Variants in MCCC1 observed in about 807,000 individuals in gnomAD.
MCCC1 encodes methylcrotonoyl-CoA carboxylase subunit alpha, mitochondrial.
A neutral mutation model predicts 83.8 loss-of-function variants in MCCC1; 64 were observed. That is an observed-to-expected ratio of 0.76 (90% CI 0.62 to 0.94). MCCC1 has a LOEUF of 0.94. Ranked by LOEUF, MCCC1 falls within the 40% of genes least tolerant of loss-of-function variation. The pLI is 0.00. For missense variants in MCCC1, 807 were observed against 904.7 expected, an observed-to-expected ratio of 0.89 and a Z score of 1.39; for synonymous variants, 322 against 315.4, an observed-to-expected ratio of 1.02 and a Z score of -0.22.
At chr3:183,114,683 C>G (rs1719560461) in intron 1 of MCCC1, among the ~76,000 whole-genome samples, 1 of 152,178 alleles carries the variant, frequency 6.6e-6, no homozygotes, top group African/African-American at 2.4e-5. Flanking sequence ...GGCTCTTCCT[C>G]CTAGAGAGCA....
At chr3:183,059,283 T>C (rs1352075790) in intron 7 of MCCC1, among the ~76,000 whole-genome samples, 1 of 152,234 alleles carries the variant, frequency 6.6e-6, no homozygotes, top group Non-Finnish European at 1.5e-5. Context: ...CACTCCAGCC[T>C]GGGTGACAGA....
chr3:183,099,200 A>C, intron 1 of MCCC1, 152 bp downstream of exon 1: 6 of 812,312 alleles, frequency 7.4e-6, no homozygotes, highest in South Asian at 6.3e-5. Flanking sequence ...CGACGCCGTG[A>C]CTGCCGGCAG....
rs1230601707 is a variant in MCCC1, at chr3:183,099,119, C to CA, written c.89+232dup. The CA allele has an allele frequency of 2.8e-5, 17 of 599,932 alleles. No individual in the cohort carries two copies. In the East Asian group the frequency reaches 4.7e-4, roughly 17 times the overall value. The allele number at this position is 599,932 out of a possible 1,614,324, so 37.2% of individuals were successfully genotyped here. On this transcript the variant is annotated intron_variant, in intron 1 of 18. Transcript: ENST00000265594. ...TCCTCAGAAATGGAAAAACAGAAGC[C>CA]AAAGGCGCGCTGAAGCGTGGATGTG... is the stretch of plus-strand genomic sequence containing the variant.
chr3:183,023,799 CTTTT>C (rs535360159), intron 15 of MCCC1, among the ~76,000 whole-genome samples: 32 of 149,562 alleles, frequency 2.1e-4, no homozygotes, highest in African/African-American at 7.8e-4. Context: ...TGAATTCCCA[CTTTT>C]TTTTTTAAAC....
chr3:183,101,099 G>A (rs548890893), upstream of MCCC1, among the ~76,000 whole-genome samples: 125 of 152,382 alleles, frequency 8.2e-4, no homozygotes, highest in South Asian at 3.3e-3. Context: ...CCGGCGCTGC[G>A]CTCGATTTCT....
In MCCC1 at chr3:183,037,293, A is replaced by G; in HGVS notation, c.1519T>C (p.Ser507Pro). 6 of 1,613,740 alleles carry G rather than the reference A, an allele frequency of 3.7e-6. No homozygotes were observed. Among genetic ancestry groups the G allele is most frequent in the Non-Finnish European group, 5.1e-6 (6 of 1,179,984 alleles). ...AGACCCAGGGCTGCCTGGCATAAAG[A>G]CTCTTTGGCTGCAGCCTTCCGACTG... ...LLSRKAAAKE[S>P]LCQAALGLIL... is the part of the protein sequence containing the mutation. Residue 507 changes from serine to proline, a missense_variant, in exon 13 of 19, where the codon TCT (serine) becomes CCT (proline). By Grantham distance (74) the Ser-to-Pro change is moderately conservative. Coordinates refer to ENST00000265594, the MANE Select transcript of MCCC1 (RefSeq NM_020166.5).
intron 4 of MCCC1, among the ~76,000 whole-genome samples, chr3:183,073,790 C>T (rs1716867641): frequency 6.6e-6 from 1 of 152,234 alleles, no homozygotes; most frequent in Non-Finnish European, 1.5e-5. Flanking sequence ...CACCTTTTCA[C>T]TTAAAAGAAG....
At chr3:183,093,465 T>C (rs1046149542) in intron 2 of MCCC1, among the ~76,000 whole-genome samples, 4 of 152,140 alleles carry the variant, frequency 2.6e-5, no homozygotes, top group Non-Finnish European at 4.4e-5. Flanking sequence ...CCTATGTACA[T>C]AGGTGTGTGT....
At chr3:183,104,233 C>CA (rs1188002982), upstream of MCCC1, among the ~76,000 whole-genome samples, 2 of 152,210 alleles carry the variant, frequency 1.3e-5, no homozygotes, top group Non-Finnish European at 2.9e-5. Context: ...CAAGTGCCGC[C>CA]AAACTGGGAG....
At chr3:183,102,615 T>G (rs1317153700), upstream of MCCC1, among the ~76,000 whole-genome samples, 2 of 151,994 alleles carry the variant, frequency 1.3e-5, no homozygotes, top group Non-Finnish European at 2.9e-5. Flanking sequence ...GACCAGTGAT[T>G]AGCCCTCTGG....
chr3:183,041,253 G>A lies in MCCC1; in HGVS notation c.1267+314C>T, dbSNP rs750459329. Among the ~76,000 whole-genome samples the A allele has an allele frequency of 2.6e-5, 4 of 152,150 alleles. No individual in the cohort carries two copies. In the South Asian group the frequency reaches 6.2e-4, roughly 24 times the overall value. ...AAGGCAGTCTGCCTTGTGCATAGCA[G>A]ATATCAGTCATCTTAAATCATTTTT... On this transcript the variant is annotated intron_variant, in intron 11 of 18. Transcript: ENST00000265594.
At chr3:183,054,487 T>C (rs1202067123) in intron 8 of MCCC1, among the ~76,000 whole-genome samples, 1 of 152,050 alleles carries the variant, frequency 6.6e-6, no homozygotes, top group Non-Finnish European at 1.5e-5. Flanking sequence ...GCGCCCGGCC[T>C]AGAAAAAATA....
At chr3:183,058,344 G>A (rs535174703) in intron 7 of MCCC1, among the ~76,000 whole-genome samples, 6 of 152,336 alleles carry the variant, frequency 3.9e-5, no homozygotes, top group Non-Finnish European at 7.3e-5. Flanking sequence ...GCCGGGCACA[G>A]TGCCTCACAC....
intron 1 of MCCC1, among the ~76,000 whole-genome samples, chr3:183,113,552 C>T (rs1044901172): frequency 1.3e-5 from 2 of 151,002 alleles, no homozygotes; most frequent in African/African-American, 4.9e-5. Flanking sequence ...TACCCTAGAA[C>T]TTAAAGTATA....
intron 12 of MCCC1, 26 bp from the exon 13 acceptor site, chr3:183,037,460 C>G: frequency 1.3e-6 from 2 of 1,554,058 alleles, no homozygotes; most frequent in Non-Finnish European, 1.8e-6. Context: ...ACCCCCAGTT[C>G]CTGCTGAGTG....
upstream of MCCC1, among the ~76,000 whole-genome samples, chr3:183,102,758 G>GTTTTTTTTT (rs566199257): frequency 3.8e-5 from 2 of 52,222 alleles, no homozygotes; most frequent in Non-Finnish European, 7.2e-5. Context: ...AGCAGAGAAA[G>GTTTTTTTTT]TTTTTTTTTT....
Position 183,038,162 on chromosome 3 carries a change from G to A in MCCC1, c.1378-728C>T, listed in dbSNP as rs73068839. Reference sequence around the variant, plus strand: ...TTCACAGTCTCTGCTTACATTCTAGGGCAACAAGTAACAATATCTGTAAAC... The same window carrying A: ...TTCACAGTCTCTGCTTACATTCTAGAGCAACAAGTAACAATATCTGTAAAC... On this transcript the variant is annotated intron_variant, in intron 12 of 18. Coordinates refer to ENST00000265594, the MANE Select transcript of MCCC1 (RefSeq NM_020166.5). 9.8e-3 allele frequency among the ~76,000 whole-genome samples: 1,487 copies of A among 152,138 alleles called. 29 individuals carry two copies. The highest frequency in any genetic ancestry group is 0.034 in the African/African-American group (1,421 of 41,488).
chr3:183,092,518 G>A lies in MCCC1; in HGVS notation c.164C>T (p.Ala55Val). ...TGRNITKVLI[A>V]NRGEIACRVM... ...CCTGCAGGCAATTTCTCCTCTGTTTGCAATGAGGACCTTGGTAATGTTTCT... is the reference window on the plus strand; with the variant it reads ...CCTGCAGGCAATTTCTCCTCTGTTTACAATGAGGACCTTGGTAATGTTTCT... The change falls in exon 3 of 19, where the codon GCA becomes GTA. Residue 55 changes from alanine to valine, a missense_variant. By Grantham distance (64) the Ala-to-Val change is moderately conservative. Transcript: ENST00000265594. The A allele has an allele frequency of 1.2e-6, 2 of 1,614,128 alleles. No homozygotes were observed. The highest frequency in any genetic ancestry group is 1.7e-6 in the Non-Finnish European group (2 of 1,180,006).
chr3:183,072,129 A>G (rs959405091), intron 5 of MCCC1, among the ~76,000 whole-genome samples: 1 of 152,002 alleles, frequency 6.6e-6, no homozygotes, highest in Admixed American at 6.6e-5. Flanking sequence ...TGGCCTCCCA[A>G]AGTGCTGGGA....
Sources: gnomAD v4.1 joint callset for allele counts (sites outside exome capture counted in the v4.1 genomes callset) on GRCh38, gnomAD v4.1.1 for gene constraint, MANE v1.5 for transcripts, NCBI Gene and HGNC (gene_info 2026-07-23, HGNC 2026-07-21) for gene names.